The following SLC25A42 variants were observed in gnomAD, a reference collection of about 807,000 sequenced individuals.
The protein encoded by SLC25A42 is solute carrier family 25 member 42.
A neutral mutation model predicts 34.7 loss-of-function variants in SLC25A42; 19 were observed. That is an observed-to-expected ratio of 0.55 (90% CI 0.38 to 0.80). The LOEUF is 0.80. SLC25A42 is among the 30% of genes least tolerant of loss of function. The pLI is 0.00. For synonymous variants in SLC25A42, 205 were observed against 191.2 expected (o/e 1.07, Z -0.59); for missense variants, 364 against 441.3 (o/e 0.82, Z 1.57).
At chr19:19,078,631 C>T (rs943770287) in intron 1 of SLC25A42, among the ~76,000 whole-genome samples, 1 of 152,184 alleles carries the variant, frequency 6.6e-6, no homozygotes, top group Non-Finnish European at 1.5e-5. Context: ...TACGAATGTC[C>T]AGCAGCTAAT....
At chr19:19,067,862 G>A (rs1438333701) in intron 1 of SLC25A42, among the ~76,000 whole-genome samples, 1 of 152,134 alleles carries the variant, frequency 6.6e-6, no homozygotes, top group African/African-American at 2.4e-5. Flanking sequence ...GGTGCCAGAT[G>A]GAGGGTGTCG....
chr19:19,074,967 G>A (rs1403672372), intron 1 of SLC25A42, among the ~76,000 whole-genome samples: 6 of 151,982 alleles, frequency 3.9e-5, no homozygotes, highest in Middle Eastern at 3.4e-3. Context: ...CCTGGGCAGC[G>A]TAGCAAGACC....
intron 5 of SLC25A42, 101 bp from the exon 6 acceptor site, chr19:19,106,166 CCT>C (rs2059826317): frequency 3.0e-6 from 3 of 993,796 alleles, no homozygotes; most frequent in Admixed American, 2.0e-5. Context: ...GGTCCCCACC[CCT>C]GTCCCCGCCC....
chr19:19,067,541 C>T (rs2145894489), intron 1 of SLC25A42, among the ~76,000 whole-genome samples: 1 of 152,110 alleles, frequency 6.6e-6, no homozygotes, highest in South Asian at 2.1e-4. Context: ...TATGATTGCA[C>T]CATTGCACTC....
chr19:19,068,198 T>C (rs771715696), intron 1 of SLC25A42, among the ~76,000 whole-genome samples: 33 of 146,712 alleles, frequency 2.2e-4, no homozygotes, highest in Non-Finnish European at 3.9e-4. Context: ...TACCAAAGAA[T>C]ACAAAAATTA....
At position 19,111,882 on chromosome 19, in the gene SLC25A42, T is replaced by TG. The variant is rs1324149063; in HGVS notation, c.*1010dup. 6.6e-6 allele frequency: 1 copy of TG among 152,150 alleles called. No individual in the cohort carries two copies. The highest frequency in any genetic ancestry group is 2.4e-5 in the African/African-American group (1 of 41,426). 9.4% of individuals were successfully genotyped at this position (152,150 alleles called of 1,614,324 possible). Reference sequence around the variant, plus strand: ...TGTTCAGTTTCTATGAAATGGAGCATGGGGTGCCTGCTAGCCTCAATCCCC... The same window carrying TG: ...TGTTCAGTTTCTATGAAATGGAGCATGGGGGTGCCTGCTAGCCTCAATCCCC... On this transcript the variant is annotated 3_prime_UTR_variant, in exon 8 of 8. Coordinates refer to ENST00000318596, the MANE Select transcript of SLC25A42 (RefSeq NM_178526.5).
chr19:19,095,217 A>AAC (rs1252994401), intron 1 of SLC25A42, among the ~76,000 whole-genome samples: 1 of 150,012 alleles, frequency 6.7e-6, no homozygotes, highest in Non-Finnish European at 1.5e-5. Flanking sequence ...AACAAAAACA[A>AAC]AAAAAAACAC....
intron 1 of SLC25A42, among the ~76,000 whole-genome samples, chr19:19,085,196 C>T (rs1458062325): frequency 6.6e-6 from 1 of 152,082 alleles, no homozygotes; most frequent in Non-Finnish European, 1.5e-5. Flanking sequence ...CAGTCATTAG[C>T]GGCAGTGATT....
At position 19,108,016 on chromosome 19, in the gene SLC25A42, C is replaced by A; in HGVS notation, c.620C>A (p.Thr207Asn). The A allele has an allele frequency of 6.2e-7, 1 of 1,602,966 alleles. No homozygotes were observed. Among genetic ancestry groups the A allele is most frequent in the East Asian group, 2.2e-5 (1 of 44,680 alleles). ...CCCTACGCTGGCCTGAGCTTCTTCA[C>A]CTATGAGACGCTCAAGAGCTTGCAC... The part of the protein sequence containing the change: ...VIPYAGLSFF[T>N]YETLKSLHRE... Residue 207 changes from threonine to asparagine, a missense_variant, in exon 7 of 8, where the codon ACC becomes AAC. By Grantham distance (65) the Thr-to-Asn change is moderately conservative. Coordinates refer to ENST00000318596, the MANE Select transcript of SLC25A42 (RefSeq NM_178526.5).
At chr19:19,078,628 G>A (rs1442953021) in intron 1 of SLC25A42, among the ~76,000 whole-genome samples, 1 of 152,184 alleles carries the variant, frequency 6.6e-6, no homozygotes, top group Non-Finnish European at 1.5e-5. Flanking sequence ...ACATACGAAT[G>A]TCCAGCAGCT....
intron 1 of SLC25A42, among the ~76,000 whole-genome samples, chr19:19,074,522 T>C (rs941561774): frequency 2.0e-5 from 3 of 152,046 alleles, no homozygotes; most frequent in Admixed American, 2.0e-4. Flanking sequence ...CACCCAACAT[T>C]TGTACAAACA....
At chr19:19,078,115 A>G (rs2059663815) in intron 1 of SLC25A42, among the ~76,000 whole-genome samples, 1 of 152,152 alleles carries the variant, frequency 6.6e-6, no homozygotes, top group Non-Finnish European at 1.5e-5. Flanking sequence ...GCTGCTGGGC[A>G]GGTCTTCAAA....
At chr19:19,097,715 C>T (rs1419469505) in intron 2 of SLC25A42, among the ~76,000 whole-genome samples, 1 of 152,220 alleles carries the variant, frequency 6.6e-6, no homozygotes, top group African/African-American at 2.4e-5. Flanking sequence ...GTAATCCCTG[C>T]ACTCTGGGAG....
At chr19:19,110,394 G>A (rs143932708) in intron 7 of SLC25A42, among the ~76,000 whole-genome samples, 175 bp from the exon 8 acceptor site, 62 of 152,302 alleles carry the variant, frequency 4.1e-4, no homozygotes, top group Middle Eastern at 3.4e-3. Context: ...GGAGCGACCC[G>A]GAGGTGAGGC....
At position 19,097,375 on chromosome 19, in the gene SLC25A42, G is replaced by C. The variant is rs541361973; in HGVS notation, c.81+1170G>C. ...GAGGCACAGGGCAGGCACGTGCCTTGAAGTTTAGTGAAGGTCCCAACAGAG... is the reference window on the plus strand; with the variant it reads ...GAGGCACAGGGCAGGCACGTGCCTTCAAGTTTAGTGAAGGTCCCAACAGAG... On this transcript the variant is annotated intron_variant, in intron 2 of 7. Transcript: ENST00000318596. Among the ~76,000 whole-genome samples the C allele has an allele frequency of 3.9e-5, 6 of 152,368 alleles. No individual in the cohort carries two copies. In the East Asian group the frequency reaches 1.2e-3, roughly 29 times the overall value.
rs1000237873 is a variant in SLC25A42, at chr19:19,103,784, T to A, written c.188-1129T>A. ...TTGAGCCGATCCCCTACCCTCTCTG[T>A]GTCCCAGTTTCCTCCTCCGTAAAGT... On this transcript the variant is annotated intron_variant, in intron 3 of 7. Transcript: ENST00000318596. Among the ~76,000 whole-genome samples the A allele has an allele frequency of 2.0e-5, 3 of 152,340 alleles. No homozygotes were observed. In the East Asian group the frequency reaches 5.8e-4, roughly 29 times the overall value.
At chr19:19,102,004 G>A (rs2059799377) in intron 3 of SLC25A42, 118 bp downstream of exon 3, 1 of 652,170 alleles carries the variant, frequency 1.5e-6, no homozygotes, top group Admixed American at 3.3e-5. Flanking sequence ...TAGAAATAAG[G>A]TTTTTTGTTG....
intron 1 of SLC25A42, among the ~76,000 whole-genome samples, chr19:19,076,975 G>A (rs2059658455): frequency 6.6e-6 from 1 of 152,158 alleles, no homozygotes; most frequent in Non-Finnish European, 1.5e-5. Flanking sequence ...CTTGAGCCCA[G>A]GAGTTCAAGA....
chr19:19,095,376 G>A (rs1428111082), intron 1 of SLC25A42, among the ~76,000 whole-genome samples: 1 of 152,074 alleles, frequency 6.6e-6, no homozygotes, highest in Non-Finnish European at 1.5e-5. Context: ...CACTTTGGGA[G>A]GCTAAGGCAG....
Sources: allele counts gnomAD v4.1 joint callset (sites outside exome capture counted in the v4.1 genomes callset), GRCh38; gene constraint gnomAD v4.1.1; transcripts MANE v1.5; gene names NCBI Gene and HGNC (gene_info 2026-07-23, HGNC 2026-07-21).